The following TRMT11 variants were observed in gnomAD, a reference collection of about 807,000 sequenced individuals.
TRMT11 encodes tRNA methyltransferase 11, also known as tRNA (guanine(10)-N(2))-methyltransferase TRMT11.
In TRMT11, 53 loss-of-function variants were observed where a neutral mutation model predicts 62.8. The observed-to-expected ratio is 0.84, with a 90% confidence interval of 0.68 to 1.06. TRMT11 has a LOEUF of 1.06. Among genes scored for constraint, TRMT11 ranks in the 50% least tolerant of loss-of-function variants. TRMT11 has a pLI of 0.00. For synonymous variants in TRMT11, 188 were observed against 190.3 expected (o/e 0.99, Z 0.10); for missense variants, 556 against 553.4 (o/e 1.00, Z -0.05).
chr6:126,197,263 C>T (rs936171587), intron 1 of TRMT11, among the ~76,000 whole-genome samples: 1 of 152,178 alleles, frequency 6.6e-6, no homozygotes, highest in Non-Finnish European at 1.5e-5. Context: ...CTGTTGACTT[C>T]TCTAGCTGGT....
chr6:126,142,556 A>G (rs1011335931), intron 21 of TRMT11, among the ~76,000 whole-genome samples: 3 of 152,110 alleles, frequency 2.0e-5, no homozygotes, highest in Non-Finnish European at 4.4e-5. Flanking sequence ...TTAGAATTTG[A>G]GCTGTGCTAT....
At chr6:126,014,485 A>G (rs1794698470) in intron 11 of TRMT11, among the ~76,000 whole-genome samples, 1 of 152,106 alleles carries the variant, frequency 6.6e-6, no homozygotes, top group African/African-American at 2.4e-5. Context: ...TCCTGACCTC[A>G]TGATCCACCC....
At chr6:126,093,631 A>ATTTTTTTTTT (rs145963759) in intron 17 of TRMT11, among the ~76,000 whole-genome samples, 27 of 98,012 alleles carry the variant, frequency 2.8e-4, no homozygotes, top group African/African-American at 1.1e-3. Flanking sequence ...ATATATATAT[A>ATTTTTTTTTT]TTTTCCCCCA....
At chr6:126,175,476 A>G (rs1778375467), upstream of TRMT11, among the ~76,000 whole-genome samples, 1 of 152,218 alleles carries the variant, frequency 6.6e-6, no homozygotes, top group Non-Finnish European at 1.5e-5. Context: ...TTTGAAAAAG[A>G]AAAAGCTAAA....
intron 1 of TRMT11, among the ~76,000 whole-genome samples, chr6:126,192,880 G>T (rs566376465): frequency 2.6e-5 from 4 of 152,036 alleles, no homozygotes; most frequent in Non-Finnish European, 5.9e-5. Flanking sequence ...GTATATTGGC[G>T]TATAGTTTTA....
the TRMT11 span, among the ~76,000 whole-genome samples, chr6:126,224,724 G>T: frequency 6.6e-6 from 1 of 152,170 alleles, no homozygotes; most frequent in South Asian, 2.1e-4. Context: ...GTACGCTTGT[G>T]CTGGCAGTGA....
chr6:126,206,387 T>C (rs145110943), downstream of TRMT11, among the ~76,000 whole-genome samples: 1 of 152,306 alleles, frequency 6.6e-6, no homozygotes, highest in African/African-American at 2.4e-5. Context: ...ACAGATTCTG[T>C]ATTTCTAACA....
chr6:125,997,981 T>G (rs1791845986), intron 3 of TRMT11, 72 bp from the exon 4 acceptor site: 1 of 1,064,490 alleles, frequency 9.4e-7, no homozygotes, highest in Non-Finnish European at 1.5e-6. Context: ...AAAGAACTAG[T>G]AAAATGACTG....
chr6:126,045,139 G>T (rs1052461062), intron 16 of TRMT11, among the ~76,000 whole-genome samples: 1 of 150,510 alleles, frequency 6.6e-6, no homozygotes, highest in Admixed American at 6.6e-5. Flanking sequence ...AGTGAGCTGA[G>T]ATTACACCAC....
intron 7 of TRMT11, among the ~76,000 whole-genome samples, chr6:126,003,777 C>T (rs1446997891): frequency 2.0e-5 from 3 of 151,986 alleles, no homozygotes; most frequent in Non-Finnish European, 2.9e-5. Flanking sequence ...ATACAACCTC[C>T]TCACACTCCC....
intron 17 of TRMT11, among the ~76,000 whole-genome samples, chr6:126,070,302 G>A (rs900905362): frequency 1.3e-5 from 2 of 152,204 alleles, no homozygotes; most frequent in South Asian, 2.1e-4. Flanking sequence ...AGAGAACTTC[G>A]GCAGTGTGCT....
intron 21 of TRMT11, among the ~76,000 whole-genome samples, chr6:126,169,083 C>T (rs575054019): frequency 6.2e-4 from 94 of 152,332 alleles, no homozygotes; most frequent in African/African-American, 2.1e-3. Flanking sequence ...TTTCTTCAGT[C>T]TCCTGGAATG....
chr6:126,107,702 A>G (rs191813352), intron 17 of TRMT11, among the ~76,000 whole-genome samples: 3 of 152,308 alleles, frequency 2.0e-5, no homozygotes, highest in African/African-American at 4.8e-5. Flanking sequence ...TCAGGTATAC[A>G]TATTATTGCC....
intron 17 of TRMT11, among the ~76,000 whole-genome samples, chr6:126,071,923 C>A (rs1776871076): frequency 6.6e-6 from 1 of 152,094 alleles, no homozygotes; most frequent in South Asian, 2.1e-4. Context: ...GTTAGTAGGT[C>A]TTGGATGGAG....
At chr6:126,012,911 G>T in intron 10 of TRMT11, 59 bp downstream of exon 10, 1 of 1,609,408 alleles carries the variant, frequency 6.2e-7, no homozygotes, top group Non-Finnish European at 8.5e-7. Flanking sequence ...TGGCTTCCCC[G>T]TTAACTTAGC....
chr6:126,263,641 G>C, the TRMT11 span, among the ~76,000 whole-genome samples: 1 of 152,216 alleles, frequency 6.6e-6, no homozygotes, highest in African/African-American at 2.4e-5. Flanking sequence ...CTTGGCTGCT[G>C]ATCCCAAACT....
At chr6:125,996,503 T>C (rs1791536688) in intron 3 of TRMT11, among the ~76,000 whole-genome samples, 1 of 152,220 alleles carries the variant, frequency 6.6e-6, no homozygotes, top group Admixed American at 6.5e-5. Context: ...TACCAAATCT[T>C]GGTGTGAATT....
chr6:126,052,961 CAGCT>C (rs1264508323), intron 16 of TRMT11, among the ~76,000 whole-genome samples: 3 of 152,148 alleles, frequency 2.0e-5, no homozygotes, highest in Non-Finnish European at 4.4e-5. Flanking sequence ...TGTGATGAAT[CAGCT>C]TTCTGGGGAA....
At chr6:126,009,943 G>A (rs900356473) in intron 8 of TRMT11, among the ~76,000 whole-genome samples, 2 of 152,006 alleles carry the variant, frequency 1.3e-5, no homozygotes, top group Middle Eastern at 3.4e-3. Context: ...CCAAGATACT[G>A]TTAGGTATAC....
Sources: allele counts gnomAD v4.1 joint callset (sites outside exome capture counted in the v4.1 genomes callset), GRCh38; gene constraint gnomAD v4.1.1; transcripts MANE v1.5; gene names NCBI Gene and HGNC (gene_info 2026-07-23, HGNC 2026-07-21).